Variants in WASF1 observed in about 807,000 individuals in gnomAD.
WASF1 encodes actin-binding protein WASF1.
In WASF1, 7 loss-of-function variants were observed where a neutral mutation model predicts 50.5. The observed-to-expected ratio is 0.14, with a 90% CI of 0.08 to 0.26. The LOEUF (loss-of-function observed/expected upper bound fraction) is 0.26, where lower values mean the gene tolerates loss of function less well. Among genes scored for constraint, WASF1 ranks in the 10% least tolerant of loss-of-function variants. The probability of loss-of-function intolerance (pLI) is 1.00; values close to 1 mark genes in which losing one functional copy is unlikely to be tolerated. For missense variants in WASF1, 470 were observed against 694.7 expected, an observed-to-expected ratio of 0.68 and a Z score of 3.64; for synonymous variants, 205 against 244.0, an observed-to-expected ratio of 0.84 and a Z score of 1.49.
chr6:110,123,686 A>C (rs1045449418), intron 4 of WASF1, among the ~76,000 whole-genome samples: 1 of 152,194 alleles, frequency 6.6e-6, no homozygotes, highest in Admixed American at 6.5e-5. Flanking sequence ...GCAGAGATAG[A>C]AGCACCTCAC....
At chr6:110,178,906 AG>A (rs1562195381) in intron 1 of WASF1, among the ~76,000 whole-genome samples, 164 bp from the exon 2 acceptor site, 1 of 152,248 alleles carries the variant, frequency 6.6e-6, no homozygotes, top group Non-Finnish European at 1.5e-5. Context: ...CAGAAGCGAC[AG>A]CACCGCTTCG....
intron 3 of WASF1, among the ~76,000 whole-genome samples, chr6:110,151,848 T>C (rs547090469): frequency 1.8e-4 from 27 of 152,310 alleles, no homozygotes; most frequent in Admixed American, 7.2e-4. Flanking sequence ...GGAAATGCTA[T>C]GCCAAATCAA....
Position 110,147,349 on chromosome 6 carries a change from A to T in WASF1, c.-29+13286T>A, listed in dbSNP as rs550373925. ...CAACAGTGCGAGACTCCGTCTCAAA[A>T]AAAAAAAAAAAAAATTATGTCACCT... On this transcript the variant is annotated intron_variant, in intron 3 of 10. Transcript: ENST00000392589. Among the ~76,000 whole-genome samples, 19 of 151,768 alleles carry T rather than the reference A, an allele frequency of 1.3e-4. No homozygotes were observed. In the East Asian group the frequency reaches 3.7e-3, roughly 29 times the overall value.
intron 5 of WASF1, among the ~76,000 whole-genome samples, chr6:110,109,654 C>A (rs1364509719): frequency 6.6e-6 from 1 of 151,272 alleles, no homozygotes; most frequent in Non-Finnish European, 1.5e-5. Context: ...CGGGTTCAAG[C>A]AATTCTCCTG....
intron 3 of WASF1, among the ~76,000 whole-genome samples, chr6:110,136,886 T>C (rs1019353793): frequency 3.3e-5 from 5 of 152,224 alleles, no homozygotes; most frequent in Non-Finnish European, 4.4e-5. Context: ...TAACATTCCC[T>C]GATCCCCCAG....
intron 4 of WASF1, among the ~76,000 whole-genome samples, chr6:110,118,666 C>T (rs1343309569): frequency 6.6e-6 from 1 of 152,130 alleles, no homozygotes; most frequent in Non-Finnish European, 1.5e-5. Flanking sequence ...ATATCCAGGA[C>T]TTGAACTCAG....
At chr6:110,135,902 G>C in intron 3 of WASF1, among the ~76,000 whole-genome samples, 1 of 19,484 alleles carries the variant, frequency 5.1e-5, no homozygotes, top group Middle Eastern at 0.062. Context: ...TTTTTTTTTT[G>C]AGATGGAGTC....
intron 8 of WASF1, among the ~76,000 whole-genome samples, chr6:110,104,061 G>T (rs1773210723): frequency 6.6e-6 from 1 of 152,168 alleles, no homozygotes; most frequent in African/African-American, 2.4e-5. Flanking sequence ...TAGCAGCACA[G>T]AGGTGGCTAG....
At chr6:110,177,774 CT>C (rs1410860102) in intron 2 of WASF1, among the ~76,000 whole-genome samples, 13 of 152,012 alleles carry the variant, frequency 8.6e-5, no homozygotes, top group African/African-American at 2.9e-4. Flanking sequence ...TTATGTGATT[CT>C]CTTTTATCAA....
rs1404813252 is a variant in WASF1 at position 110,100,030 on chromosome 6, A to G, written c.*492T>C. The G allele has an allele frequency of 1.3e-5, 2 of 152,744 alleles. No homozygotes were observed. The highest frequency in any genetic ancestry group is 6.5e-5 in the Admixed American group (1 of 15,286). The allele number at this position is 152,744 out of a possible 1,614,324, so 9.5% of individuals were successfully genotyped here. A position where few individuals can be genotyped will look rare whatever the true frequency, so the allele number is the denominator to read the frequency against. On this transcript the variant is annotated 3_prime_UTR_variant, in exon 11 of 11. Coordinates refer to ENST00000392589, the MANE Select transcript of WASF1 (RefSeq NM_003931.3). Reference sequence around the variant, plus strand: ...TAAAAACAATAAAACAATAATGAAAAAATTCAAGCATTCCTTTAAGAGAAT... The same window carrying G: ...TAAAAACAATAAAACAATAATGAAAGAATTCAAGCATTCCTTTAAGAGAAT...
chr6:110,101,196 G>C (rs747928765), intron 10 of WASF1, among the ~76,000 whole-genome samples: 1 of 152,124 alleles, frequency 6.6e-6, no homozygotes, highest in Non-Finnish European at 1.5e-5. Context: ...AAGGCATCTG[G>C]TAGAGCAAGT....
rs1773106105 is a variant in WASF1, at chr6:110,101,847, C to G, written c.1263G>C (p.Gln421His). Residue 421 changes from glutamine (Q) to histidine (H), a missense_variant, in exon 10 of 11, where the codon CAG becomes CAC. This residue lies in a region of WASF1 where 294 missense variants were observed against 343.5 expected (regional missense o/e 0.86). Coordinates refer to ENST00000392589, the MANE Select transcript of WASF1 (RefSeq NM_003931.3). The stretch of plus-strand genomic sequence containing the variant: ...GCGGTGGTGGGGGTGGAGGCAGCCC[C>G]TGAACTTCACCTTGTGGGAGTGGAT... ...PVHPLPQGEV[Q>H]GLPPPPPPPP... 1 of 1,613,710 alleles carries G rather than the reference C, an allele frequency of 6.2e-7. No individual in the cohort carries two copies. The highest frequency in any genetic ancestry group is 2.2e-5 in the East Asian group (1 of 44,858).
intron 3 of WASF1, among the ~76,000 whole-genome samples, chr6:110,143,346 T>C (rs772464268): frequency 5.3e-5 from 8 of 149,596 alleles, no homozygotes; most frequent in South Asian, 2.1e-4. Flanking sequence ...GAATTCTAAA[T>C]TGTTTATTTT....
At chr6:110,170,079 A>T (rs1346675962) in intron 2 of WASF1, among the ~76,000 whole-genome samples, 5 of 152,190 alleles carry the variant, frequency 3.3e-5, no homozygotes, top group African/African-American at 1.2e-4. Context: ...CTCGGTAATC[A>T]TACAAAAAGA....
At chr6:110,150,708 T>C (rs1775784191) in intron 3 of WASF1, among the ~76,000 whole-genome samples, 1 of 152,114 alleles carries the variant, frequency 6.6e-6, no homozygotes, top group Non-Finnish European at 1.5e-5. Context: ...ATTTTGAACT[T>C]TGGTGGTCAA....
At chr6:110,114,453 G>A (rs1773704091) in intron 4 of WASF1, among the ~76,000 whole-genome samples, 1 of 152,150 alleles carries the variant, frequency 6.6e-6, no homozygotes, top group African/African-American at 2.4e-5. Context: ...CATTGCTGCA[G>A]ATACACCAGC....
intron 3 of WASF1, among the ~76,000 whole-genome samples, chr6:110,137,555 T>C (rs922275169): frequency 6.6e-6 from 1 of 152,176 alleles, no homozygotes; most frequent in African/African-American, 2.4e-5. Context: ...GTAACCTTTG[T>C]TTCTCTGATT....
At chr6:110,134,766 A>G (rs1345224130) in intron 3 of WASF1, among the ~76,000 whole-genome samples, 2 of 152,126 alleles carry the variant, frequency 1.3e-5, no homozygotes, top group Non-Finnish European at 2.9e-5. Context: ...TGTTTTGGTT[A>G]GTATGCCCTT....
At chr6:110,119,104 A>C (rs1773958415) in intron 4 of WASF1, among the ~76,000 whole-genome samples, 1 of 152,212 alleles carries the variant, frequency 6.6e-6, no homozygotes, top group South Asian at 2.1e-4. Context: ...AAGATCTAAA[A>C]TTGACACCCT....
Sources: allele counts gnomAD v4.1 joint callset (sites outside exome capture counted in the v4.1 genomes callset), GRCh38; gene constraint gnomAD v4.1.1; regional missense constraint gnomAD v4.1.1; transcripts MANE v1.5; gene names NCBI Gene and HGNC (gene_info 2026-07-23, HGNC 2026-07-21).